Variants in TRMT44 observed in about 807,000 individuals in gnomAD.
TRMT44 encodes the protein tRNA methyltransferase 44 homolog, also known as probable tRNA (uracil-O(2)-)-methyltransferase.
Under a neutral mutation model 77.3 loss-of-function variants are expected in TRMT44, and 78 were observed. That is an observed-to-expected ratio of 1.01 (90% CI 0.84 to 1.22). TRMT44 has a LOEUF of 1.22. TRMT44 is among the 50% of genes most tolerant of loss of function. TRMT44 has a pLI of 0.00. For missense variants in TRMT44, 1,090 were observed against 964.4 expected (o/e 1.13, Z -1.73); for synonymous variants, 391 against 383.3 (o/e 1.02, Z -0.23).
At chr4:8,499,897 T>A in the TRMT44 span, among the ~76,000 whole-genome samples, 1 of 149,130 alleles carries the variant, frequency 6.7e-6, no homozygotes, top group East Asian at 1.9e-4. Flanking sequence ...AACCTGCACA[T>A]GTACCCTTGA....
intron 8 of TRMT44, 147 bp downstream of exon 8, chr4:8,465,708 T>C: frequency 1.4e-6 from 1 of 735,668 alleles, no homozygotes; most frequent in South Asian, 2.0e-5. Flanking sequence ...CTGTCACTGA[T>C]GAGGCCCAGA....
chr4:8,454,198 C>G (rs1725639954), intron 5 of TRMT44, among the ~76,000 whole-genome samples: 1 of 152,216 alleles, frequency 6.6e-6, no homozygotes, highest in African/African-American at 2.4e-5. Context: ...CCCTGGGGCA[C>G]TGGCCCTGGA....
At chr4:8,483,017 T>C (rs1727677149) in intron 2 of TRMT44, among the ~76,000 whole-genome samples, 1 of 151,930 alleles carries the variant, frequency 6.6e-6, no homozygotes, top group Non-Finnish European at 1.5e-5. Flanking sequence ...TGAAGGATGA[T>C]TTCGTGGTAA....
intron 6 of TRMT44, among the ~76,000 whole-genome samples, chr4:8,459,743 T>C (rs1726033760): frequency 6.6e-6 from 1 of 152,086 alleles, no homozygotes; most frequent in Non-Finnish European, 1.5e-5. Flanking sequence ...ATTTATCACA[T>C]ATTTGAGTGT....
chr4:8,502,960 C>T, the TRMT44 span, among the ~76,000 whole-genome samples: 6 of 152,228 alleles, frequency 3.9e-5, no homozygotes, highest in African/African-American at 1.2e-4. Context: ...CACAGGCACA[C>T]ACAGACTCAG....
At chr4:8,466,686 AGCCCGTG>A (rs1726576982) in intron 8 of TRMT44, among the ~76,000 whole-genome samples, 1 of 152,178 alleles carries the variant, frequency 6.6e-6, no homozygotes, top group Non-Finnish European at 1.5e-5. Context: ...GGGTCCGAGG[AGCCCGTG>A]GCTTTGATTT....
intron 9 of TRMT44, among the ~76,000 whole-genome samples, chr4:8,469,847 C>T (rs773899720): frequency 1.5e-4 from 23 of 152,274 alleles, no homozygotes; most frequent in Non-Finnish European, 3.1e-4. Context: ...CAGGCAGGCA[C>T]CTCTGCGTTT....
chr4:8,487,043 C>T (rs945608408), intron 2 of TRMT44, among the ~76,000 whole-genome samples: 2 of 152,050 alleles, frequency 1.3e-5, no homozygotes, highest in Non-Finnish European at 2.9e-5. Context: ...GGCACAGAGA[C>T]TAGGAAGGGA....
chr4:8,462,783 A>G (rs1726253596), intron 6 of TRMT44, among the ~76,000 whole-genome samples: 1 of 152,234 alleles, frequency 6.6e-6, no homozygotes, highest in Non-Finnish European at 1.5e-5. Flanking sequence ...TGCTGTTGGC[A>G]AGATAATATA....
chr4:8,480,410 T>C (rs995036183), downstream of TRMT44, among the ~76,000 whole-genome samples: 1 of 152,190 alleles, frequency 6.6e-6, no homozygotes, highest in Non-Finnish European at 1.5e-5. Flanking sequence ...GCTGCCTGCA[T>C]GCACGGTGCC....
rs747971205 is a variant in TRMT44 at position 8,454,784 on chromosome 4, G to T, written c.1174G>T (p.Asp392Tyr). 4.3e-6 allele frequency: 7 copies of T among 1,614,108 alleles called. No homozygotes were observed. Among genetic ancestry groups the T allele is most frequent in the Non-Finnish European group, 5.1e-6 (6 of 1,180,054 alleles). Residue 392 changes from aspartate (D) to tyrosine (Y), a missense_variant, in exon 6 of 11, where the codon GAC becomes TAC. Transcript: ENST00000389737. ...GIDVRRRKIW[D>Y]MYGPQTQLEE... ...TGATGTCCGAAGAAGAAAAATCTGG[G>T]ACATGTATGGACCACAAACTCAGTT...
At chr4:8,469,829 C>T (rs978841486) in intron 9 of TRMT44, among the ~76,000 whole-genome samples, 1 of 152,270 alleles carries the variant, frequency 6.6e-6, no homozygotes, top group Admixed American at 6.5e-5. Context: ...CCCCACCCAG[C>T]CTGTCCTCAG....
rs543099110 is a variant in TRMT44 at position 8,456,724 on chromosome 4, G to T, written c.1203+1911G>T. ...TTGAGAAAAGGTGAAGTCATTATAT[G>T]ACAAAGCAGAAAGAAGGTGAAGGTT... On this transcript the variant is annotated intron_variant, in intron 6 of 10. Coordinates refer to ENST00000389737, the MANE Select transcript of TRMT44 (RefSeq NM_152544.3). 8.7e-4 allele frequency among the ~76,000 whole-genome samples: 132 copies of T among 152,316 alleles called. 1 individual carries two copies. The highest frequency in any genetic ancestry group is 3.1e-3 in the African/African-American group (130 of 41,568).
chr4:8,508,127 G>A, the TRMT44 span, among the ~76,000 whole-genome samples: 2 of 152,226 alleles, frequency 1.3e-5, no homozygotes, highest in Admixed American at 6.5e-5. Flanking sequence ...GACTGGTCTC[G>A]AACTCCTGAC....
Position 8,484,560 on chromosome 4 carries a change from G to A in TRMT44, n.3891+5027G>A, listed in dbSNP as rs557845998. ...AGTTTGGACAAAAAGGCTACACGAT[G>A]CGATCCCGGTCCTTGTGTAAGAATT... On this transcript the variant is annotated intron_variant and non_coding_transcript_variant, in intron 2 of 2. Transcript: ENST00000511366. Among the ~76,000 whole-genome samples the A allele has an allele frequency of 6.6e-5, 10 of 152,310 alleles. 1 individual carries two copies. The South Asian group carries it at 2.1e-3, about 32-fold the overall frequency.
Position 8,467,939 on chromosome 4 carries a change from C to CA in TRMT44, c.1521dup (p.Tyr508IlefsTer11). On this transcript the variant is annotated frameshift_variant, in exon 9 of 11. Coordinates refer to ENST00000389737, the MANE Select transcript of TRMT44 (RefSeq NM_152544.3). LOFTEE classifies it high-confidence loss of function. ...GTCTGTCTCGTTGGAAAATCCAGAACATACCCTTCCTCCAGAGAAGCTTCC... is the reference window on the plus strand; with the variant it reads ...GTCTGTCTCGTTGGAAAATCCAGAACAATACCCTTCCTCCAGAGAAGCTTCC... The CA allele has an allele frequency of 1.9e-6, 3 of 1,612,404 alleles. No homozygotes were observed. The highest frequency in any genetic ancestry group is 2.5e-6 in the Non-Finnish European group (3 of 1,178,646).
chr4:8,489,494 T>G (rs13120605), intron 2 of TRMT44, among the ~76,000 whole-genome samples: 16,520 of 152,260 alleles, frequency 0.11, 880 homozygotes, highest in Middle Eastern at 0.13. Flanking sequence ...TTGTTTTATT[T>G]GAGATGGAGT....
the TRMT44 span, among the ~76,000 whole-genome samples, chr4:8,501,446 A>G: frequency 7.7e-4 from 117 of 152,262 alleles, no homozygotes; most frequent in Non-Finnish European, 1.2e-3. The surrounding 1 kb of genome is among the most constrained non-coding windows in gnomAD (Gnocchi z 4.4). Context: ...AAGTCACTCA[A>G]CTTCCTGTGC....
chr4:8,455,777 A>C (rs1725768853), intron 6 of TRMT44, among the ~76,000 whole-genome samples: 1 of 152,250 alleles, frequency 6.6e-6, no homozygotes, highest in Admixed American at 6.5e-5. Context: ...GGTAACAACA[A>C]CACAAGTACA....
Sources: allele counts gnomAD v4.1 joint callset (sites outside exome capture counted in the v4.1 genomes callset), GRCh38; gene constraint gnomAD v4.1.1; non-coding constraint Gnocchi (gnomAD v3.1); transcripts MANE v1.5; gene names NCBI Gene and HGNC (gene_info 2026-07-23, HGNC 2026-07-21).